Variants in ERH observed in about 807,000 individuals in gnomAD.
The protein encoded by ERH is ERH mRNA splicing and mitosis factor.
In ERH, 1 loss-of-function variant was observed where a neutral mutation model predicts 16.8. The observed-to-expected ratio is 0.06, with a 90% CI of 0.02 to 0.28. The LOEUF is 0.28. Among genes scored for constraint, ERH ranks in the 10% least tolerant of loss-of-function variants. The pLI is 1.00. For synonymous variants in ERH, 43 were observed against 43.6 expected (o/e 0.99, Z 0.05); for missense variants, 42 against 127.5 (o/e 0.33, Z 3.23).
chr14:69,394,024 GAA>G (rs770774291), intron 2 of ERH, among the ~76,000 whole-genome samples: 6 of 129,376 alleles, frequency 4.6e-5, no homozygotes, highest in Non-Finnish European at 3.3e-5. Flanking sequence ...GTGTCTTAAG[GAA>G]AAAAAAAAAA....
intron 2 of ERH, among the ~76,000 whole-genome samples, chr14:69,388,521 C>A (rs926911909): frequency 6.6e-6 from 1 of 152,072 alleles, no homozygotes; most frequent in Non-Finnish European, 1.5e-5. Flanking sequence ...CCACCACACC[C>A]AGCTAACTTT....
At chr14:69,388,997 G>C (rs371682790) in intron 2 of ERH, among the ~76,000 whole-genome samples, 1 of 151,898 alleles carries the variant, frequency 6.6e-6, no homozygotes, top group South Asian at 2.1e-4. Context: ...ATTCGTATAT[G>C]TTAAAAAGGC....
chr14:69,394,578 T>C (rs185964823), intron 2 of ERH, among the ~76,000 whole-genome samples: 28 of 151,984 alleles, frequency 1.8e-4, no homozygotes, highest in Middle Eastern at 3.4e-3. Flanking sequence ...GTCTGGGTGA[T>C]AGAGCGAGAC....
chr14:69,386,903 TCAAA>T (rs2045896775), intron 3 of ERH, 56 bp downstream of exon 3: 1 of 1,575,060 alleles, frequency 6.3e-7, no homozygotes, highest in Non-Finnish European at 8.7e-7. Flanking sequence ...ATAAATCACC[TCAAA>T]CAGACAGAAA....
chr14:69,383,419 G>A (rs557221919), intron 3 of ERH, among the ~76,000 whole-genome samples: 34 of 152,332 alleles, frequency 2.2e-4, no homozygotes, highest in African/African-American at 7.9e-4. Flanking sequence ...AACGGACCCA[G>A]TCTCTGGTCT....
In ERH at chr14:69,391,119, C is replaced by A. The variant is rs183369510; in HGVS notation, c.91+3706G>T. On this transcript the variant is annotated intron_variant, in intron 2 of 3. Coordinates refer to ENST00000557016, the MANE Select transcript of ERH (RefSeq NM_004450.3). ...TGTACCACATAATCTAGCAATCACT[C>A]TCCTACGTATTTACGCAAATGAGCT... Among the ~76,000 whole-genome samples the A allele has an allele frequency of 1.8e-4, 27 of 152,292 alleles. 1 individual carries two copies. Among genetic ancestry groups the A allele is most frequent in the Admixed American group, 1.4e-3 (22 of 15,302 alleles).
Position 69,380,172 on chromosome 14 carries a change from G to T in ERH, c.*366C>A. On this transcript the variant is annotated 3_prime_UTR_variant, in exon 4 of 4. Coordinates refer to ENST00000557016, the MANE Select transcript of ERH (RefSeq NM_004450.3). ...TTTATTTTTACCAAGACTTTATCTT[G>T]AGGACATGGCTAAACTGCATTTCCA... 1.2e-5 allele frequency: 2 copies of T among 168,920 alleles called. No homozygotes were observed. The highest frequency in any genetic ancestry group is 1.6e-4 in the East Asian group (1 of 6,276). 10.5% of individuals were successfully genotyped at this position (168,920 alleles called of 1,614,324 possible).
rs115995101 is a variant in ERH, at chr14:69,385,762, C to T, written c.212+1201G>A. 3.1e-3 allele frequency among the ~76,000 whole-genome samples: 477 copies of T among 152,188 alleles called. 4 individuals carry two copies. The highest frequency in any genetic ancestry group is 0.011 in the African/African-American group (462 of 41,532). ...TTTACTCCTGGCACTCTACCACAACCGTTCTGGAAGTCACCAAAGACTTCC... is the reference window on the plus strand; with the variant it reads ...TTTACTCCTGGCACTCTACCACAACTGTTCTGGAAGTCACCAAAGACTTCC... On this transcript the variant is annotated intron_variant, in intron 3 of 3. Coordinates refer to ENST00000557016, the MANE Select transcript of ERH (RefSeq NM_004450.3).
At chr14:69,381,600 G>C (rs956159757) in intron 3 of ERH, among the ~76,000 whole-genome samples, 23 of 152,106 alleles carry the variant, frequency 1.5e-4, no homozygotes, top group African/African-American at 5.6e-4. Context: ...AGAGTACTGG[G>C]TGTCGCTTTA....
chr14:69,394,970 T>C, intron 1 of ERH, 58 bp from the exon 2 acceptor site: 1 of 1,175,964 alleles, frequency 8.5e-7, no homozygotes, highest in Non-Finnish European at 1.2e-6. Flanking sequence ...CATAGTATGA[T>C]AAAAAAAAAT....
chr14:69,380,519 C>A lies in ERH; in HGVS notation c.*19G>T. The stretch of plus-strand genomic sequence containing the variant: ...TGTGTTCCAAGCCCACCCCAACCCC[C>A]CCAGTGCTTCCAACACAATTATTTC... On this transcript the variant is annotated 3_prime_UTR_variant, in exon 4 of 4. Coordinates refer to ENST00000557016, the MANE Select transcript of ERH (RefSeq NM_004450.3). 7.4e-7 allele frequency: 1 copy of A among 1,355,504 alleles called. No homozygotes were observed. The allele number at this position is 1,355,504 out of a possible 1,614,324, so 84.0% of individuals were successfully genotyped here.
chr14:69,381,751 C>A (rs186461463), intron 3 of ERH, among the ~76,000 whole-genome samples: 3 of 152,114 alleles, frequency 2.0e-5, no homozygotes, highest in African/African-American at 7.2e-5. Flanking sequence ...TGCAGTGGTG[C>A]CATCTTGGCT....
intron 3 of ERH, among the ~76,000 whole-genome samples, chr14:69,381,320 T>C (rs571984685): frequency 6.6e-6 from 1 of 152,350 alleles, no homozygotes; most frequent in East Asian, 1.9e-4. Flanking sequence ...ATGTTTATTC[T>C]GAATTAACTA....
chr14:69,397,452 G>GAAAA lies in ERH; in HGVS notation c.3+775_3+778dup, dbSNP rs201254745. ...CAATACCTAGAGGTCTCAAAAACAG[G>GAAAA]AAAAAAAAAAAAAAGGCAGAGCACA... On this transcript the variant is annotated intron_variant, in intron 1 of 3. Transcript: ENST00000557016. Among the ~76,000 whole-genome samples the GAAAA allele has an allele frequency of 9.5e-4, 121 of 127,432 alleles. 1 individual carries two copies. The highest frequency in any genetic ancestry group is 3.7e-3 in the Middle Eastern group (1 of 268). 83.6% of individuals were successfully genotyped at this position (127,432 alleles called of 152,430 possible).
At position 69,398,263 on chromosome 14, in the gene ERH, G is replaced by T. The variant is rs2232050; in HGVS notation, c.-30C>A. 1.9e-6 allele frequency: 3 copies of T among 1,612,704 alleles called. No homozygotes were observed. The highest frequency in any genetic ancestry group is 2.5e-6 in the Non-Finnish European group (3 of 1,179,732). ...CCAAACTCTCTTCGCTACAGCAGCTGCCGACACCGCCGCCGTTACACGAGC... is the reference window on the plus strand; with the variant it reads ...CCAAACTCTCTTCGCTACAGCAGCTTCCGACACCGCCGCCGTTACACGAGC... On this transcript the variant is annotated 5_prime_UTR_variant, in exon 1 of 4. Coordinates refer to ENST00000557016, the MANE Select transcript of ERH (RefSeq NM_004450.3).
At chr14:69,385,556 C>T (rs2045886640) in intron 3 of ERH, among the ~76,000 whole-genome samples, 1 of 151,610 alleles carries the variant, frequency 6.6e-6, no homozygotes, top group Admixed American at 6.6e-5. Context: ...GCAAACTTAC[C>T]ATTACTTTTC....
chr14:69,388,897 CT>C (rs1487795112), intron 2 of ERH, among the ~76,000 whole-genome samples: 4 of 152,050 alleles, frequency 2.6e-5, no homozygotes, highest in African/African-American at 9.7e-5. Context: ...TATCTTAGGG[CT>C]TTTTATTGCT....
At chr14:69,391,654 CAAAAAA>C (rs58399149) in intron 2 of ERH, among the ~76,000 whole-genome samples, 1 of 21,944 alleles carries the variant, frequency 4.6e-5, no homozygotes, top group East Asian at 1.6e-3. Context: ...TCTCGCACGC[CAAAAAA>C]AAAAAAAAAA....
chr14:69,398,174 G>A (rs1882415720), intron 1 of ERH, 57 bp downstream of exon 1: 1 of 1,609,424 alleles, frequency 6.2e-7, no homozygotes, highest in Non-Finnish European at 8.5e-7. Context: ...GTATGGGGCT[G>A]GGGTCGCTCT....
Sources: gnomAD v4.1 joint callset for allele counts (sites outside exome capture counted in the v4.1 genomes callset) on GRCh38, gnomAD v4.1.1 for gene constraint, MANE v1.5 for transcripts, NCBI Gene and HGNC (gene_info 2026-07-23, HGNC 2026-07-21) for gene names.